FBXW7: variants seen among roughly 807,000 people sequenced by gnomAD.
The protein encoded by FBXW7 is F-box/WD repeat-containing protein 7.
A neutral mutation model predicts 86.3 loss-of-function variants in FBXW7; 11 were observed. The ratio of observed to expected loss-of-function variants is 0.13; its 90% CI spans 0.08 to 0.21. The LOEUF (loss-of-function observed/expected upper bound fraction) is 0.21. Ranked by LOEUF, FBXW7 falls within the 10% of genes least tolerant of loss-of-function variation. FBXW7 has a pLI of 1.00. For missense variants in FBXW7, 488 were observed against 847.4 expected, an observed-to-expected ratio of 0.58 and a Z score of 5.27; for synonymous variants, 313 against 297.9, an observed-to-expected ratio of 1.05 and a Z score of -0.52.
intron 4 of FBXW7, among the ~76,000 whole-genome samples, chr4:152,356,920 T>C (rs1459905543): frequency 6.6e-6 from 1 of 152,212 alleles, no homozygotes; most frequent in Non-Finnish European, 1.5e-5. Context: ...CAGAATATTA[T>C]ATACATCAAT....
chr4:152,408,659 A>C (rs1339233333), intron 4 of FBXW7, among the ~76,000 whole-genome samples: 2 of 152,240 alleles, frequency 1.3e-5, no homozygotes, highest in Non-Finnish European at 2.9e-5. Flanking sequence ...ATAGTATCAG[A>C]AAATCATCAC....
rs540014727 is a variant in FBXW7, at chr4:152,390,678, A to G, written c.501+20625T>C. Among the ~76,000 whole-genome samples, 49 of 152,234 alleles carry G rather than the reference A, an allele frequency of 3.2e-4. 1 individual carries two copies. In the South Asian group the frequency reaches 7.9e-3, roughly 24 times the overall value. Reference sequence around the variant, plus strand: ...ACTTAAGTCCATAAACAGTTTAAACATAACAGTTTAAACTTTCAGTTAAAA... The same window carrying G: ...ACTTAAGTCCATAAACAGTTTAAACGTAACAGTTTAAACTTTCAGTTAAAA... On this transcript the variant is annotated intron_variant, in intron 4 of 13. Coordinates refer to ENST00000281708, the MANE Select transcript of FBXW7 (RefSeq NM_001349798.2).
intron 4 of FBXW7, among the ~76,000 whole-genome samples, chr4:152,385,229 A>T (rs1032818543): frequency 1.3e-5 from 2 of 152,064 alleles, no homozygotes; most frequent in African/African-American, 4.8e-5. Flanking sequence ...TAACAATGTG[A>T]TACTCCAATG....
chr4:152,387,930 G>A (rs902400789), intron 4 of FBXW7, among the ~76,000 whole-genome samples: 4 of 151,762 alleles, frequency 2.6e-5, no homozygotes, highest in East Asian at 3.9e-4. Flanking sequence ...GGCTGGTCTC[G>A]AACTCCTGAC....
chr4:152,336,574 T>TC (rs1210763327), intron 7 of FBXW7, among the ~76,000 whole-genome samples: 1 of 152,064 alleles, frequency 6.6e-6, no homozygotes, highest in Non-Finnish European at 1.5e-5. Context: ...TGTAAGTGTT[T>TC]CCCATTATTA....
At chr4:152,533,863 C>T (rs1285172494) in intron 2 of FBXW7, among the ~76,000 whole-genome samples, 1 of 152,136 alleles carries the variant, frequency 6.6e-6, no homozygotes, top group East Asian at 1.9e-4. Flanking sequence ...TGGAGAACTT[C>T]GAAAAGAGAG....
intron 2 of FBXW7, chr4:152,489,243 T>C (rs1028026691): frequency 3.2e-5 from 5 of 154,500 alleles, no homozygotes; most frequent in African/African-American, 9.6e-5. Context: ...GCCCTCGAAT[T>C]TGAACTTTAT....
chr4:152,388,736 G>A (rs1414323438), intron 4 of FBXW7, among the ~76,000 whole-genome samples: 1 of 152,130 alleles, frequency 6.6e-6, no homozygotes, highest in African/African-American at 2.4e-5. Flanking sequence ...TTTCTACAAA[G>A]AGGAGGCTAA....
intron 2 of FBXW7, among the ~76,000 whole-genome samples, chr4:152,525,473 C>G (rs528159534): frequency 6.6e-6 from 1 of 152,194 alleles, no homozygotes; most frequent in Non-Finnish European, 1.5e-5. Flanking sequence ...CCCTCCCCCT[C>G]AAGTAGACCC....
At chr4:152,448,232 CTAGTAA>C (rs1162312434) in intron 2 of FBXW7, among the ~76,000 whole-genome samples, 2 of 152,186 alleles carry the variant, frequency 1.3e-5, no homozygotes, top group African/African-American at 2.4e-5. Context: ...GTCAGTGCAG[CTAGTAA>C]ATCACCTGAT....
intron 4 of FBXW7, among the ~76,000 whole-genome samples, chr4:152,376,282 G>T (rs1734509928): frequency 1.3e-5 from 2 of 152,032 alleles, no homozygotes; most frequent in South Asian, 4.1e-4. Context: ...ATTTGGGAGG[G>T]TAATAATTCC....
intron 2 of FBXW7, among the ~76,000 whole-genome samples, chr4:152,505,852 G>A (rs1404018529): frequency 6.7e-6 from 1 of 149,154 alleles, no homozygotes; most frequent in Non-Finnish European, 1.5e-5. Context: ...AGCAATTCTC[G>A]TGCCTCAGCC....
At chr4:152,485,176 A>G (rs1745232997) in intron 2 of FBXW7, among the ~76,000 whole-genome samples, 2 of 152,080 alleles carry the variant, frequency 1.3e-5, no homozygotes, top group African/African-American at 4.8e-5. Context: ...AGAAAAACAT[A>G]TATAACATAA....
intron 8 of FBXW7, 74 bp from the exon 9 acceptor site, chr4:152,330,942 C>T (rs1195971396): frequency 6.9e-7 from 1 of 1,446,944 alleles, no homozygotes; most frequent in African/African-American, 1.4e-5. Flanking sequence ...AGTATTCCAT[C>T]TTTATAAAGA....
chr4:152,431,667 C>A (rs190238277), intron 2 of FBXW7, among the ~76,000 whole-genome samples: 64 of 152,200 alleles, frequency 4.2e-4, no homozygotes, highest in Admixed American at 3.3e-3. Context: ...CCAAATGAAA[C>A]CTCCCAGGAA....
rs1044783501 is a variant in FBXW7, at chr4:152,484,523, A to G, written c.-120+50418T>C. Among the ~76,000 whole-genome samples the G allele has an allele frequency of 2.0e-5, 3 of 152,238 alleles. No homozygotes were observed. In the East Asian group the frequency reaches 5.8e-4, roughly 29 times the overall value. The stretch of plus-strand genomic sequence containing the variant: ...CAAGTAAACATACTAACAATATTGT[A>G]AAAGCTCCACAAAAAGGGAAAATCA... On this transcript the variant is annotated intron_variant, in intron 2 of 13. Transcript: ENST00000281708.
intron 2 of FBXW7, among the ~76,000 whole-genome samples, chr4:152,497,817 CAATAT>C (rs1159708165): frequency 6.6e-6 from 1 of 152,074 alleles, no homozygotes; most frequent in Non-Finnish European, 1.5e-5. Flanking sequence ...ACGAGCATTA[CAATAT>C]TATTTGCCAA....
At chr4:152,500,754 C>T (rs1235733216) in intron 2 of FBXW7, among the ~76,000 whole-genome samples, 3 of 151,964 alleles carry the variant, frequency 2.0e-5, no homozygotes, top group South Asian at 2.1e-4. Flanking sequence ...ACTATGTGTC[C>T]GCAATTCCCC....
At chr4:152,482,970 T>C (rs533039421) in intron 2 of FBXW7, among the ~76,000 whole-genome samples, 1 of 152,256 alleles carries the variant, frequency 6.6e-6, no homozygotes, top group African/African-American at 2.4e-5. Context: ...ATGAATAATG[T>C]GGGATATTTT....
Sources: allele counts gnomAD v4.1 joint callset (sites outside exome capture counted in the v4.1 genomes callset), GRCh38; gene constraint gnomAD v4.1.1; transcripts MANE v1.5; gene names NCBI Gene and HGNC (gene_info 2026-07-23, HGNC 2026-07-21).